Variants in STMN2 observed in about 807,000 individuals in gnomAD.
STMN2 encodes the protein stathmin 2.
A neutral mutation model predicts 24.1 loss-of-function variants in STMN2; 2 were observed. The ratio of observed to expected loss-of-function variants is 0.08; its 90% CI spans 0.03 to 0.26. The LOEUF is 0.26. Among genes scored for constraint, STMN2 ranks in the 10% least tolerant of loss-of-function variants. The probability of loss-of-function intolerance (pLI) is 1.00; values close to 1 mark genes in which losing one functional copy is unlikely to be tolerated. For synonymous variants in STMN2, 83 were observed against 77.5 expected (o/e 1.07, Z -0.37); for missense variants, 114 against 213.6 (o/e 0.53, Z 2.91).
rs1810229428 is a variant in STMN2, at chr8:79,646,867, T to C, written c.288+5317T>C. On this transcript the variant is annotated intron_variant, in intron 3 of 4. Coordinates refer to ENST00000220876, the MANE Select transcript of STMN2 (RefSeq NM_007029.4). ...AAAACATTCTAGACTAAGACAGTGA[T>C]TCCAGAACTAAGGATCCACAGAGGC... Among the ~76,000 whole-genome samples, 3 of 152,188 alleles carry C rather than the reference T, an allele frequency of 2.0e-5. No individual in the cohort carries two copies. The South Asian group carries it at 6.2e-4, about 32-fold the overall frequency.
intron 4 of STMN2, among the ~76,000 whole-genome samples, chr8:79,659,950 C>T (rs1563449760): frequency 6.6e-6 from 1 of 152,292 alleles, no homozygotes; most frequent in East Asian, 1.9e-4. Context: ...ACTTCACTTT[C>T]TCACGTATTT....
intron 1 of STMN2, among the ~76,000 whole-genome samples, chr8:79,625,189 C>G (rs1347617014): frequency 6.6e-6 from 1 of 152,078 alleles, no homozygotes; most frequent in East Asian, 1.9e-4. Context: ...CTTTTTTCCA[C>G]ATTTTGAACT....
intron 3 of STMN2, among the ~76,000 whole-genome samples, chr8:79,649,289 T>C (rs1391788072): frequency 6.6e-6 from 1 of 152,076 alleles, no homozygotes; most frequent in East Asian, 1.9e-4. Flanking sequence ...ATCTTCCGTG[T>C]GCTACCTTCT....
chr8:79,618,050 G>T (rs185279962), intron 1 of STMN2, among the ~76,000 whole-genome samples: 3 of 152,340 alleles, frequency 2.0e-5, no homozygotes, highest in Non-Finnish European at 1.5e-5. Flanking sequence ...ATCTTTCACC[G>T]ATTGCTGCTA....
chr8:79,649,473 C>A (rs1281271215), intron 3 of STMN2, among the ~76,000 whole-genome samples: 1 of 152,124 alleles, frequency 6.6e-6, no homozygotes, highest in Non-Finnish European at 1.5e-5. Flanking sequence ...TTTGGTTTTA[C>A]ATAATTATAT....
intron 1 of STMN2, among the ~76,000 whole-genome samples, chr8:79,625,426 C>A (rs1419028686): frequency 6.6e-6 from 1 of 152,162 alleles, no homozygotes; most frequent in Non-Finnish European, 1.5e-5. Flanking sequence ...GAGGTAAAGT[C>A]ACACACAGCC....
intron 1 of STMN2, among the ~76,000 whole-genome samples, chr8:79,614,723 T>A (rs1019569614): frequency 6.6e-6 from 1 of 152,260 alleles, no homozygotes; most frequent in Non-Finnish European, 1.5e-5. Context: ...TACAATAATG[T>A]GACTTACAGA....
In STMN2 at chr8:79,641,671, C is replaced by CACAA. The variant is rs1810103450; in HGVS notation, c.288+122_288+123insCAAA. ...ACACACACACACACACACACACACA[C>CACAA]ATACAGAGAGCAATGACAGCTGAAC... On this transcript the variant is annotated intron_variant, in intron 3 of 4. Coordinates refer to ENST00000220876, the MANE Select transcript of STMN2 (RefSeq NM_007029.4). 3 of 742,976 alleles carry CACAA rather than the reference C, an allele frequency of 4.0e-6. No homozygotes were observed. In the South Asian group the frequency reaches 6.9e-5, roughly 17 times the overall value. 46.0% of individuals were successfully genotyped at this position (742,976 alleles called of 1,614,324 possible).
rs763075347 is a variant in STMN2 at position 79,654,928 on chromosome 8, G to A, written c.346G>A (p.Val116Ile). 2 of 1,613,918 alleles carry A rather than the reference G, an allele frequency of 1.2e-6. No individual in the cohort carries two copies. The highest frequency in any genetic ancestry group is 1.7e-6 in the Non-Finnish European group (2 of 1,179,874). The part of the protein sequence containing the change: ...LAEKREHERE[V>I]LQKALEENNN... ...AGAGAAGAGGGAACACGAGCGAGAA[G>A]TCCTTCAGAAGGCTTTGGAGGAGAA... Residue 116 changes from valine to isoleucine, a missense_variant, in exon 4 of 5, where the codon GTC becomes ATC. Coordinates refer to ENST00000220876, the MANE Select transcript of STMN2 (RefSeq NM_007029.4).
At chr8:79,644,077 T>G (rs2130365247) in intron 3 of STMN2, among the ~76,000 whole-genome samples, 1 of 152,330 alleles carries the variant, frequency 6.6e-6, no homozygotes, top group African/African-American at 2.4e-5. Context: ...TTATACTGAC[T>G]TAATTAGCAC....
At chr8:79,641,242 A>G in intron 2 of STMN2, 136 bp from the exon 3 acceptor site, 2 of 843,810 alleles carry the variant, frequency 2.4e-6, no homozygotes. Flanking sequence ...AACATAGAGC[A>G]AATGCTCATA....
intron 4 of STMN2, among the ~76,000 whole-genome samples, chr8:79,659,801 T>G (rs887981771): frequency 6.6e-6 from 1 of 152,200 alleles, no homozygotes; most frequent in Non-Finnish European, 1.5e-5. Flanking sequence ...TTCACACTTA[T>G]GTCACATTAG....
chr8:79,615,128 C>A (rs1338485171), intron 1 of STMN2, among the ~76,000 whole-genome samples: 2 of 152,226 alleles, frequency 1.3e-5, no homozygotes, highest in African/African-American at 4.8e-5. Flanking sequence ...AAAGTTAAAT[C>A]TGTACAACTA....
chr8:79,628,312 C>T (rs542080416), intron 1 of STMN2, among the ~76,000 whole-genome samples: 1 of 152,070 alleles, frequency 6.6e-6, no homozygotes, highest in East Asian at 1.9e-4. Context: ...TACAGGCACG[C>T]ACCACCATGC....
intron 1 of STMN2, among the ~76,000 whole-genome samples, chr8:79,621,515 G>C (rs894678901): frequency 6.6e-6 from 1 of 152,186 alleles, no homozygotes; most frequent in African/African-American, 2.4e-5. Context: ...CTTGTGATTA[G>C]AACCCACCTG....
intron 3 of STMN2, among the ~76,000 whole-genome samples, chr8:79,645,079 C>T (rs1184691711): frequency 6.6e-6 from 1 of 151,632 alleles, no homozygotes; most frequent in Non-Finnish European, 1.5e-5. Flanking sequence ...TGCTTGAACC[C>T]AGGAGGTGGA....
chr8:79,645,177 T>C (rs1162276503), intron 3 of STMN2, among the ~76,000 whole-genome samples: 1 of 151,822 alleles, frequency 6.6e-6, no homozygotes, highest in Non-Finnish European at 1.5e-5. Flanking sequence ...GAAAGAAATG[T>C]AATGGGAGCC....
At chr8:79,659,471 G>C (rs1806452495) in intron 4 of STMN2, among the ~76,000 whole-genome samples, 2 of 152,142 alleles carry the variant, frequency 1.3e-5, no homozygotes, top group African/African-American at 4.8e-5. Context: ...TTCCTCCCCT[G>C]ATGTGTCCCT....
chr8:79,645,878 T>A (rs1277453331), intron 3 of STMN2, among the ~76,000 whole-genome samples: 2 of 152,154 alleles, frequency 1.3e-5, no homozygotes, highest in Admixed American at 1.3e-4. Context: ...TACTGGCATA[T>A]TAGTATATAT....
Sources: gnomAD v4.1 joint callset for allele counts (sites outside exome capture counted in the v4.1 genomes callset) on GRCh38, gnomAD v4.1.1 for gene constraint, MANE v1.5 for transcripts, NCBI Gene and HGNC (gene_info 2026-07-23, HGNC 2026-07-21) for gene names.